The following DHRSX variants were observed in gnomAD, a reference collection of about 807,000 sequenced individuals.
The protein encoded by DHRSX is polyprenol dehydrogenase.
A neutral mutation model predicts 34.0 loss-of-function variants in DHRSX; 31 were observed. The ratio of observed to expected loss-of-function variants is 0.91; its 90% CI spans 0.69 to 1.23. DHRSX has a LOEUF of 1.23. Among genes scored for constraint, DHRSX ranks in the 50% most tolerant of loss-of-function variants. The pLI, the probability that DHRSX is intolerant of heterozygous loss-of-function variation, is 0.00. For synonymous variants in DHRSX, 201 were observed against 183.8 expected (o/e 1.09, Z -0.76); for missense variants, 414 against 428.1 (o/e 0.97, Z 0.29).
chrX:2,462,347 C>T (rs938079412), intron 1 of DHRSX, among the ~76,000 whole-genome samples: 5 of 151,792 alleles, frequency 3.3e-5, no homozygotes, highest in African/African-American at 7.3e-5. Context: ...AATTTCTCAA[C>T]GGTTAAGGGA....
chrX:2,330,091 G>GGGGA (rs2042441203), intron 3 of DHRSX, among the ~76,000 whole-genome samples: 1 of 18,322 alleles, frequency 5.5e-5, no homozygotes, highest in Admixed American at 7.5e-4. Flanking sequence ...GGGGGGGGGG[G>GGGGA]GGGAGGGAGG....
At chrX:2,306,929 T>C (rs1396771430) in intron 3 of DHRSX, among the ~76,000 whole-genome samples, 2 of 57,708 alleles carry the variant, frequency 3.5e-5, no homozygotes, top group Non-Finnish European at 1.1e-4. Context: ...CTTGGGGCTT[T>C]TTTTTTTTTT....
intron 1 of DHRSX, among the ~76,000 whole-genome samples, chrX:2,460,208 G>A (rs2044383905): frequency 2.0e-5 from 3 of 152,122 alleles, no homozygotes; most frequent in Admixed American, 2.0e-4. Context: ...AGCGGCGAGT[G>A]TTCCCAGTTA....
intron 1 of DHRSX, among the ~76,000 whole-genome samples, chrX:2,449,949 A>G (rs2044193557): frequency 6.6e-6 from 1 of 152,078 alleles, no homozygotes; most frequent in Non-Finnish European, 1.5e-5. Context: ...CTGTTTTAAT[A>G]AGCAATTCTG....
intron 6 of DHRSX, 55 bp from the exon 7 acceptor site, chrX:2,221,284 G>A (rs2015514753): frequency 1.3e-6 from 2 of 1,559,428 alleles, no homozygotes; most frequent in Admixed American, 1.8e-5. Context: ...GCAGGAAACA[G>A]GAGTCTCAGG....
At chrX:2,265,062 T>C (rs939266632) in intron 5 of DHRSX, among the ~76,000 whole-genome samples, 3 of 146,362 alleles carry the variant, frequency 2.0e-5, no homozygotes, top group African/African-American at 7.7e-5. Context: ...GGGAGCACTG[T>C]CCCCAGAGCA....
At chrX:2,359,815 T>C (rs1434692456) in intron 3 of DHRSX, among the ~76,000 whole-genome samples, 1 of 152,116 alleles carries the variant, frequency 6.6e-6, no homozygotes, top group East Asian at 1.9e-4. Flanking sequence ...CAGCAAACTA[T>C]GTAGGAACAG....
intron 3 of DHRSX, among the ~76,000 whole-genome samples, chrX:2,396,978 G>A (rs2043420323): frequency 6.6e-6 from 1 of 152,068 alleles, no homozygotes; most frequent in Non-Finnish European, 1.5e-5. Context: ...GAAAACAGCT[G>A]AAATTCAGCT....
At chrX:2,362,228 A>G (rs994489310) in intron 3 of DHRSX, among the ~76,000 whole-genome samples, 8 of 151,986 alleles carry the variant, frequency 5.3e-5, no homozygotes, top group Admixed American at 4.6e-4. Context: ...TTTGTCTCAT[A>G]TCACTGCTGT....
intron 1 of DHRSX, among the ~76,000 whole-genome samples, chrX:2,499,228 T>C (rs774281973): frequency 6.6e-6 from 1 of 152,200 alleles, no homozygotes; most frequent in East Asian, 1.9e-4. Flanking sequence ...CGTGCAGTAG[T>C]GTCTTCCAGA....
At chrX:2,489,741 C>T (rs773291905) in intron 1 of DHRSX, 15 of 1,613,126 alleles carry the variant, frequency 9.3e-6, no homozygotes, top group South Asian at 8.8e-5. Flanking sequence ...TACATGGCCA[C>T]GGCAGACTGC....
At chrX:2,288,330 G>A (rs150087787) in intron 4 of DHRSX, among the ~76,000 whole-genome samples, 4,226 of 152,220 alleles carry the variant, frequency 0.028, 208 homozygotes, top group African/African-American at 0.097. Flanking sequence ...CTGCCTCCCG[G>A]GTTCAAGCAA....
intron 3 of DHRSX, among the ~76,000 whole-genome samples, chrX:2,344,536 T>A (rs1569491529): frequency 6.6e-6 from 1 of 151,866 alleles, no homozygotes; most frequent in Admixed American, 6.6e-5. Flanking sequence ...TATGCAGCCA[T>A]AAAAAGGATG....
At chrX:2,262,073 C>G (rs1193895506) in intron 5 of DHRSX, among the ~76,000 whole-genome samples, 2 of 152,186 alleles carry the variant, frequency 1.3e-5, no homozygotes, top group Non-Finnish European at 2.9e-5. Flanking sequence ...GTGTGTGGAG[C>G]CCCGAGTGGG....
chrX:2,449,488 C>G (rs900406820), intron 1 of DHRSX, among the ~76,000 whole-genome samples: 3 of 152,038 alleles, frequency 2.0e-5, no homozygotes, highest in African/African-American at 4.8e-5. Context: ...AATTTCCTAT[C>G]TTTTTAAATT....
chrX:2,295,232 T>C (rs2124495690), intron 3 of DHRSX, among the ~76,000 whole-genome samples: 1 of 122,570 alleles, frequency 8.2e-6, no homozygotes, highest in Non-Finnish European at 1.9e-5. Context: ...CACCATGGAA[T>C]ACTATGCAGC....
chrX:2,266,054 G>A (rs2041461339), intron 5 of DHRSX, among the ~76,000 whole-genome samples: 2 of 145,192 alleles, frequency 1.4e-5, no homozygotes, highest in African/African-American at 2.6e-5. Context: ...CAGACGCAGG[G>A]AGCACTGTCC....
rs777585568 is a variant in DHRSX at position 2,471,205 on chromosome X, C to T, written c.109+29612G>A. On this transcript the variant is annotated intron_variant, in intron 1 of 6. Transcript: ENST00000334651. The stretch of plus-strand genomic sequence containing the variant: ...TTAACAGTGTTTCCTCTTAATTCAA[C>T]ACCCTTTATATGACCATGACCCAAG... 2.0e-5 allele frequency among the ~76,000 whole-genome samples: 3 copies of T among 152,246 alleles called. No homozygotes were observed. The East Asian group carries it at 5.8e-4, about 29-fold the overall frequency.
chrX:2,272,233 A>C (rs1358594046), intron 4 of DHRSX, among the ~76,000 whole-genome samples: 1 of 152,132 alleles, frequency 6.6e-6, no homozygotes, highest in Non-Finnish European at 1.5e-5. Flanking sequence ...CATCTTTTTC[A>C]CGATGCCATT....
Sources: gnomAD v4.1 joint callset for allele counts (sites outside exome capture counted in the v4.1 genomes callset) on GRCh38, gnomAD v4.1.1 for gene constraint, MANE v1.5 for transcripts, NCBI Gene and HGNC (gene_info 2026-07-23, HGNC 2026-07-21) for gene names.